TTL: variants seen among roughly 807,000 people sequenced by gnomAD.
TTL encodes the protein tubulin--tyrosine ligase.
In TTL, 10 loss-of-function variants were observed where a neutral mutation model predicts 41.1. The observed-to-expected ratio is 0.24, with a 90% CI of 0.15 to 0.41. The LOEUF is 0.41. TTL is among the 10% of genes least tolerant of loss of function. TTL has a pLI of 1.00. For synonymous variants in TTL, 175 were observed against 175.5 expected, an observed-to-expected ratio of 1.00 and a Z score of 0.02; for missense variants, 367 against 460.4, an observed-to-expected ratio of 0.80 and a Z score of 1.86.
chr2:112,517,226 A>G (rs1345245824), intron 5 of TTL, among the ~76,000 whole-genome samples: 2 of 151,240 alleles, frequency 1.3e-5, no homozygotes, highest in Non-Finnish European at 2.9e-5. Flanking sequence ...TTATGTTGGA[A>G]TGTAATACTT....
At chr2:112,486,264 A>G (rs2104445707) in intron 2 of TTL, among the ~76,000 whole-genome samples, 1 of 152,314 alleles carries the variant, frequency 6.6e-6, no homozygotes, top group East Asian at 1.9e-4. Context: ...AGAGACAGCC[A>G]TCGGGAAGCA....
At chr2:112,509,124 C>CTCGGGGG (rs1459155551) in intron 5 of TTL, among the ~76,000 whole-genome samples, 6 of 132,892 alleles carry the variant, frequency 4.5e-5, no homozygotes, top group Non-Finnish European at 4.8e-5. Context: ...AGTTAGGCTG[C>CTCGGGGG]TCGGGGGTCA....
intron 2 of TTL, among the ~76,000 whole-genome samples, chr2:112,492,421 T>G (rs945216764): frequency 6.6e-6 from 1 of 151,934 alleles, no homozygotes; most frequent in African/African-American, 2.4e-5. Flanking sequence ...CCTGTCTCTA[T>G]TAACAATACA....
Position 112,482,757 on chromosome 2 carries a change from C to T in TTL, c.157+256C>T, listed in dbSNP as rs1681127095. The stretch of plus-strand genomic sequence containing the variant: ...AGCTACCTCCCGACGGTGACCGGTC[C>T]CTGCAGCCCGGGAGACGCTGGCCGC... On this transcript the variant is annotated intron_variant, in intron 1 of 6. Transcript: ENST00000233336. The surrounding 1 kb of genome is among the most constrained non-coding windows in gnomAD (Gnocchi z 5.3). Among the ~76,000 whole-genome samples, 1 of 152,224 alleles carries T rather than the reference C, an allele frequency of 6.6e-6. No individual in the cohort carries two copies. Among genetic ancestry groups the T allele is most frequent in the Non-Finnish European group, 1.5e-5 (1 of 68,032 alleles).
intron 6 of TTL, among the ~76,000 whole-genome samples, chr2:112,523,934 T>A: frequency 6.6e-6 from 1 of 152,144 alleles, no homozygotes; most frequent in East Asian, 1.9e-4. Flanking sequence ...CCTAATGTTA[T>A]CCTTCCCCCA....
rs541496668 is a variant in TTL, at chr2:112,515,671, G to C, written c.876-4611G>C. 2.0e-4 allele frequency among the ~76,000 whole-genome samples: 30 copies of C among 152,274 alleles called. No individual in the cohort carries two copies. The South Asian group carries it at 6.2e-3, about 32-fold the overall frequency. ...AAAACATGTATTCCCTGCCAGGCCA[G>C]GTGCGACGGCTCACGCCTGTAATCC... On this transcript the variant is annotated intron_variant, in intron 5 of 6. Coordinates refer to ENST00000233336, the MANE Select transcript of TTL (RefSeq NM_153712.5).
rs1280871163 is a variant in TTL at position 112,536,886 on chromosome 2, C to T, written c.*8091C>T. The stretch of plus-strand genomic sequence containing the variant: ...TCTTTTTTATGGCTGCATAGTATTC[C>T]ATGGTATATATGTACTATATTTTCT... On this transcript the variant is annotated 3_prime_UTR_variant, in exon 7 of 7. Coordinates refer to ENST00000233336, the MANE Select transcript of TTL (RefSeq NM_153712.5). 1 of 152,192 alleles carries T rather than the reference C, an allele frequency of 6.6e-6. No homozygotes were observed. The highest frequency in any genetic ancestry group is 1.5e-5 in the Non-Finnish European group (1 of 68,048). The allele number at this position is 152,192 out of a possible 1,614,324, so 9.4% of individuals were successfully genotyped here.
In TTL at chr2:112,482,909, T is replaced by C. The variant is rs1429756862; in HGVS notation, c.157+408T>C. ...CTGGAGTCATCTTTTGCAGCTCGTC[T>C]GCACTGAGGATTTCTCCCTGCTTGG... On this transcript the variant is annotated intron_variant, in intron 1 of 6. Transcript: ENST00000233336. This position sits in a 1 kb window ranked among gnomAD's most constrained non-coding sequence, Gnocchi z 5.3. Among the ~76,000 whole-genome samples the C allele has an allele frequency of 4.6e-5, 7 of 152,182 alleles. No homozygotes were observed. The highest frequency in any genetic ancestry group is 7.2e-5 in the African/African-American group (3 of 41,456).
Position 112,531,329 on chromosome 2 carries a change from T to G in TTL, c.*2534T>G, listed in dbSNP as rs1299745448. 1 of 227,242 alleles carries G rather than the reference T, an allele frequency of 4.4e-6. No individual in the cohort carries two copies. Among genetic ancestry groups the G allele is most frequent in the African/African-American group, 2.2e-5 (1 of 45,038 alleles). The allele number at this position is 227,242 out of a possible 1,614,324, so 14.1% of individuals were successfully genotyped here. On this transcript the variant is annotated 3_prime_UTR_variant, in exon 7 of 7. Coordinates refer to ENST00000233336, the MANE Select transcript of TTL (RefSeq NM_153712.5). ...TATTTGGAAATGTCAGTTGCAATCA[T>G]GGTTCTGTCATTTGACTGCACAGTA... is the stretch of plus-strand genomic sequence containing the variant.
intron 5 of TTL, among the ~76,000 whole-genome samples, chr2:112,518,135 ATTTTTTTTT>A (rs34617627): frequency 7.4e-6 from 1 of 135,936 alleles, no homozygotes; most frequent in African/African-American, 2.7e-5. Context: ...CAGCCAACTA[ATTTTTTTTT>A]TTTTTTTTTT....
intron 5 of TTL, among the ~76,000 whole-genome samples, chr2:112,514,393 A>C (rs1205436695): frequency 2.0e-5 from 3 of 152,054 alleles, no homozygotes; most frequent in African/African-American, 4.8e-5. Context: ...AAAAAAAAAA[A>C]ACTAATTTTT....
At chr2:112,491,680 T>G (rs1681393332) in intron 2 of TTL, among the ~76,000 whole-genome samples, 1 of 152,232 alleles carries the variant, frequency 6.6e-6, no homozygotes, top group African/African-American at 2.4e-5. Flanking sequence ...AAAAATGTGT[T>G]GGATATTGTG....
In TTL at chr2:112,486,000, GTGTTAAGACCGC is replaced by G; in HGVS notation, c.236+10_236+21del. Reference sequence around the variant, plus strand: ...TCGCAAAGCTTCTTTAGTGAAGTAAGTGTTAAGACCGCTGTTTTCCATTTTTTACCTAAATGA... The same window carrying G: ...TCGCAAAGCTTCTTTAGTGAAGTAAGTGTTTTCCATTTTTTACCTAAATGA... On this transcript the variant is annotated splice_donor_region_variant and intron_variant, in intron 2 of 6. Transcript: ENST00000233336. 1 of 1,613,442 alleles carries G rather than the reference GTGTTAAGACCGC, an allele frequency of 6.2e-7. No homozygotes were observed. The highest frequency in any genetic ancestry group is 8.5e-7 in the Non-Finnish European group (1 of 1,179,694).
intron 2 of TTL, among the ~76,000 whole-genome samples, chr2:112,488,244 T>C (rs1574053429): frequency 6.6e-6 from 1 of 152,308 alleles, no homozygotes; most frequent in East Asian, 1.9e-4. Flanking sequence ...GTTTTATAGA[T>C]GTAAATAAAT....
chr2:112,537,818 A>C lies in TTL; in HGVS notation c.*9023A>C, dbSNP rs182204292. On this transcript the variant is annotated 3_prime_UTR_variant, in exon 7 of 7. Coordinates refer to ENST00000233336, the MANE Select transcript of TTL (RefSeq NM_153712.5). ...ACTCCATTTCAATAATAGCTAGAGC[A>C]ACTAGGCAGAAGATCAACAAGAAAA... 1.8e-4 allele frequency: 27 copies of C among 152,366 alleles called. No homozygotes were observed. Among genetic ancestry groups the C allele is most frequent in the Admixed American group, 3.9e-4 (6 of 15,300 alleles). 9.4% of individuals were successfully genotyped at this position (152,366 alleles called of 1,614,324 possible). A position where few individuals can be genotyped will look rare whatever the true frequency, so the allele number is the denominator to read the frequency against.
At chr2:112,524,029 G>A (rs1235143997) in intron 6 of TTL, among the ~76,000 whole-genome samples, 3 of 152,150 alleles carry the variant, frequency 2.0e-5, no homozygotes, top group Admixed American at 2.0e-4. Flanking sequence ...CCACCTATGA[G>A]TGAGAACATG....
chr2:112,524,291 A>G (rs923159751), intron 6 of TTL, among the ~76,000 whole-genome samples: 1 of 152,170 alleles, frequency 6.6e-6, no homozygotes, highest in African/African-American at 2.4e-5. Flanking sequence ...ATGATTTATA[A>G]TCCTTTGGGT....
At chr2:112,493,998 G>C (rs1681460867) in intron 2 of TTL, 145 bp from the exon 3 acceptor site, 1 of 648,218 alleles carries the variant, frequency 1.5e-6, no homozygotes, top group Admixed American at 2.9e-5. Flanking sequence ...GCTTTGTCCA[G>C]GGAGACTAAG....
chr2:112,521,455 T>A (rs1027107376), intron 6 of TTL: 1 of 736,726 alleles, frequency 1.4e-6, no homozygotes, highest in Non-Finnish European at 1.7e-6. Flanking sequence ...CAAGACCCTT[T>A]CGTGGTTCCC....
Sources: gnomAD v4.1 joint callset for allele counts (sites outside exome capture counted in the v4.1 genomes callset) on GRCh38, gnomAD v4.1.1 for gene constraint, Gnocchi (gnomAD v3.1) non-coding constraint, MANE v1.5 for transcripts, NCBI Gene and HGNC (gene_info 2026-07-23, HGNC 2026-07-21) for gene names.